KHDRBS2: variants seen among roughly 807,000 people sequenced by gnomAD.
KHDRBS2 encodes KH domain-containing, RNA-binding, signal transduction-associated protein 2.
Under a neutral mutation model 44.3 loss-of-function variants are expected in KHDRBS2, and 26 were observed. The observed-to-expected ratio is 0.59, with a 90% CI of 0.43 to 0.81. The LOEUF (loss-of-function observed/expected upper bound fraction) is 0.81. KHDRBS2 is among the 40% of genes least tolerant of loss of function. The pLI, the probability that KHDRBS2 is intolerant of heterozygous loss-of-function variation, is 0.00. For synonymous variants in KHDRBS2, 194 were observed against 151.1 expected (o/e 1.28, Z -2.08); for missense variants, 476 against 433.1 (o/e 1.10, Z -0.88).
chr6:61,704,074 G>A (rs1450866122), intron 7 of KHDRBS2, among the ~76,000 whole-genome samples: 1 of 151,788 alleles, frequency 6.6e-6, no homozygotes, highest in Admixed American at 6.6e-5. Context: ...ATTCCTTCTA[G>A]ACAAAGTCTT....
chr6:61,724,523 G>T (rs553831232), intron 7 of KHDRBS2, among the ~76,000 whole-genome samples: 1 of 152,102 alleles, frequency 6.6e-6, no homozygotes, highest in Admixed American at 6.6e-5. Context: ...TGGCAAGCTG[G>T]ATAAAGAGCC....
chr6:61,748,352 T>C (rs1012491638), intron 6 of KHDRBS2, among the ~76,000 whole-genome samples: 1 of 152,188 alleles, frequency 6.6e-6, no homozygotes, highest in African/African-American at 2.4e-5. Flanking sequence ...TACTTATTCA[T>C]GTATTTATTT....
chr6:61,687,983 C>T (rs1766999835), intron 8 of KHDRBS2, among the ~76,000 whole-genome samples: 1 of 151,752 alleles, frequency 6.6e-6, no homozygotes, highest in Admixed American at 6.6e-5. Flanking sequence ...CTATTCAGTT[C>T]TAGTCCCTGT....
the KHDRBS2 span, among the ~76,000 whole-genome samples, chr6:61,623,896 G>C: frequency 6.6e-6 from 1 of 152,166 alleles, no homozygotes; most frequent in African/African-American, 2.4e-5. Flanking sequence ...AAACACAGTG[G>C]AGAGAGAAAC....
At chr6:61,729,263 T>C (rs1207196387) in intron 7 of KHDRBS2, among the ~76,000 whole-genome samples, 1 of 151,896 alleles carries the variant, frequency 6.6e-6, no homozygotes, top group Admixed American at 6.6e-5. Flanking sequence ...CACTTATAAG[T>C]GGGAGCTAAA....
At chr6:61,624,351 C>T in the KHDRBS2 span, among the ~76,000 whole-genome samples, 2 of 152,160 alleles carry the variant, frequency 1.3e-5, no homozygotes, top group Admixed American at 6.5e-5. Flanking sequence ...GAATGGTCAA[C>T]CTTCCAACAA....
intron 3 of KHDRBS2, among the ~76,000 whole-genome samples, chr6:62,010,609 A>G: frequency 6.6e-6 from 1 of 152,110 alleles, no homozygotes; most frequent in East Asian, 1.9e-4. Flanking sequence ...GTGGGAGATG[A>G]CTGAATTATG....
intron 4 of KHDRBS2, among the ~76,000 whole-genome samples, chr6:61,934,888 G>A (rs1363392281): frequency 6.6e-6 from 1 of 152,100 alleles, no homozygotes; most frequent in Non-Finnish European, 1.5e-5. Context: ...AAACCCATGG[G>A]ATTTCTTTAG....
At chr6:62,196,980 T>A (rs530619660) in intron 1 of KHDRBS2, among the ~76,000 whole-genome samples, 4 of 152,214 alleles carry the variant, frequency 2.6e-5, no homozygotes, top group Admixed American at 2.6e-4. Context: ...CATTCTATAG[T>A]CTACTTTGCC....
chr6:62,198,956 C>T (rs1826297778), intron 1 of KHDRBS2, among the ~76,000 whole-genome samples: 3 of 152,106 alleles, frequency 2.0e-5, no homozygotes, highest in Admixed American at 2.0e-4. Context: ...TAAAAGTAAT[C>T]CAGCATATAA....
At chr6:61,752,671 CAAAAAAAAAA>C (rs56410130) in intron 6 of KHDRBS2, among the ~76,000 whole-genome samples, 22,827 of 111,492 alleles carry the variant, frequency 0.2, 2,181 homozygotes, top group East Asian at 0.34. Flanking sequence ...TTGTGGTATA[CAAAAAAAAAA>C]AAAAAAAAAA....
At chr6:61,933,244 A>G (rs1390188533) in intron 4 of KHDRBS2, among the ~76,000 whole-genome samples, 1 of 152,168 alleles carries the variant, frequency 6.6e-6, no homozygotes, top group Admixed American at 6.6e-5. Context: ...ACTCACTGTC[A>G]GGAGAACAGT....
chr6:61,566,038 T>C, the KHDRBS2 span, among the ~76,000 whole-genome samples: 1 of 151,928 alleles, frequency 6.6e-6, no homozygotes, highest in Non-Finnish European at 1.5e-5. Context: ...CATGTGTGTG[T>C]ATGCAATGGA....
intron 1 of KHDRBS2, among the ~76,000 whole-genome samples, chr6:62,212,037 T>C (rs1829141583): frequency 6.6e-6 from 1 of 152,156 alleles, no homozygotes. Flanking sequence ...GCCATTATCC[T>C]TAGCAAACTA....
intron 4 of KHDRBS2, among the ~76,000 whole-genome samples, chr6:61,976,441 G>A (rs1051447628): frequency 6.6e-6 from 1 of 152,012 alleles, no homozygotes; most frequent in African/African-American, 2.4e-5. Context: ...TGTTAACTTA[G>A]CCTACAGAGT....
intron 4 of KHDRBS2, among the ~76,000 whole-genome samples, chr6:61,957,000 A>G (rs1040452802): frequency 6.6e-6 from 1 of 152,118 alleles, no homozygotes; most frequent in Non-Finnish European, 1.5e-5. Flanking sequence ...TGGCAGAAGA[A>G]TATAAATTGT....
chr6:62,072,740 T>C (rs1241156182), intron 2 of KHDRBS2, among the ~76,000 whole-genome samples: 1 of 152,186 alleles, frequency 6.6e-6, no homozygotes, highest in Non-Finnish European at 1.5e-5. Flanking sequence ...GGATTCGGTT[T>C]GCCATTATTT....
chr6:61,966,579 A>G (rs1769991377), intron 4 of KHDRBS2, among the ~76,000 whole-genome samples: 2 of 151,998 alleles, frequency 1.3e-5, no homozygotes, highest in Admixed American at 6.6e-5. Context: ...GATCTACTTG[A>G]CCACGGAAAA....
intron 2 of KHDRBS2, among the ~76,000 whole-genome samples, chr6:62,053,381 C>A (rs1789518513): frequency 6.6e-6 from 1 of 151,718 alleles, no homozygotes; most frequent in South Asian, 2.1e-4. Flanking sequence ...ATGAAAAAAC[C>A]CACTTGGCAA....
Sources: gnomAD v4.1 joint callset for allele counts (sites outside exome capture counted in the v4.1 genomes callset) on GRCh38, gnomAD v4.1.1 for gene constraint, MANE v1.5 for transcripts, NCBI Gene and HGNC (gene_info 2026-07-23, HGNC 2026-07-21) for gene names.